The following ESR1 variants were observed in gnomAD, a reference collection of about 807,000 sequenced individuals.
The protein encoded by ESR1 is estrogen receptor.
A neutral mutation model predicts 52.7 loss-of-function variants in ESR1; 12 were observed. The observed-to-expected ratio is 0.23, with a 90% CI of 0.15 to 0.37. The LOEUF (loss-of-function observed/expected upper bound fraction) is 0.37, where lower values mean the gene tolerates loss of function less well. Among genes scored for constraint, ESR1 ranks in the 10% least tolerant of loss-of-function variants. The probability of loss-of-function intolerance (pLI) is 1.00; values close to 1 mark genes in which losing one functional copy is unlikely to be tolerated. For synonymous variants in ESR1, 305 were observed against 316.8 expected (o/e 0.96, Z 0.39); for missense variants, 584 against 779.7 (o/e 0.75, Z 2.99).
chr6:151,845,198 G>C (rs576408038), intron 2 of ESR1, among the ~76,000 whole-genome samples: 1 of 152,310 alleles, frequency 6.6e-6, no homozygotes, highest in South Asian at 2.1e-4. Context: ...AACGAATACA[G>C]TGTGAGATGT....
upstream of ESR1, among the ~76,000 whole-genome samples, chr6:151,688,856 C>A (rs1326814439): frequency 6.6e-6 from 1 of 152,042 alleles, no homozygotes; most frequent in Non-Finnish European, 1.5e-5. Context: ...AACCAATATC[C>A]CAACCCTAAT....
intron 3 of ESR1, among the ~76,000 whole-genome samples, chr6:151,883,692 A>T (rs1224919677): frequency 2.6e-5 from 4 of 152,120 alleles, no homozygotes; most frequent in Admixed American, 2.6e-4. Flanking sequence ...CCAAAATACC[A>T]TAGACTGGGT....
intron 6 of ESR1, among the ~76,000 whole-genome samples, chr6:152,089,819 T>G (rs1164237410): frequency 6.6e-6 from 1 of 152,220 alleles, no homozygotes. Flanking sequence ...TCTCAAGTGT[T>G]CCGCCTGCCT....
intron 3 of ESR1, among the ~76,000 whole-genome samples, chr6:151,912,878 A>G (rs577366798): frequency 2.0e-5 from 3 of 152,084 alleles, no homozygotes; most frequent in East Asian, 3.9e-4. Flanking sequence ...ATGAGAACAC[A>G]TGGACACAGG....
intron 3 of ESR1, among the ~76,000 whole-genome samples, chr6:151,917,981 C>G (rs1305487309): frequency 6.6e-6 from 1 of 152,142 alleles, no homozygotes; most frequent in Admixed American, 6.6e-5. Flanking sequence ...TAAACACATG[C>G]TAATTGCAGA....
chr6:151,810,954 T>A (rs1263531748), intron 1 of ESR1: 2 of 152,222 alleles, frequency 1.3e-5, no homozygotes, highest in Non-Finnish European at 2.9e-5. Context: ...TAGGTTGGTG[T>A]CTTTAGTCAT....
chr6:151,883,695 G>C (rs569386654), intron 3 of ESR1, among the ~76,000 whole-genome samples: 76 of 152,228 alleles, frequency 5.0e-4, no homozygotes, highest in African/African-American at 1.6e-3. Flanking sequence ...AAATACCATA[G>C]ACTGGGTGGC....
At chr6:151,796,023 G>A (rs535701031) in intron 2 of ESR1, among the ~76,000 whole-genome samples, 75 of 151,652 alleles carry the variant, frequency 4.9e-4, no homozygotes, top group Middle Eastern at 3.4e-3. Context: ...ACAATTAGCC[G>A]GGCATGGTGG....
At chr6:151,963,931 T>G (rs2982686) in intron 4 of ESR1, among the ~76,000 whole-genome samples, 110,340 of 152,118 alleles carry the variant, frequency 0.73, 41,388 homozygotes, top group Middle Eastern at 0.88. Flanking sequence ...GAGGCTGTCC[T>G]TTCCCTATTG....
At chr6:151,941,047 G>A (rs559877824) in intron 3 of ESR1, among the ~76,000 whole-genome samples, 2 of 152,240 alleles carry the variant, frequency 1.3e-5, no homozygotes, top group South Asian at 2.1e-4. Context: ...CCTAAGTGCT[G>A]TTCTTTGGAA....
At chr6:152,067,337 C>T (rs566087134) in intron 6 of ESR1, among the ~76,000 whole-genome samples, 24 of 152,214 alleles carry the variant, frequency 1.6e-4, no homozygotes, top group African/African-American at 5.3e-4. Context: ...CAGCAGGTGT[C>T]GAAAGACGGG....
intron 3 of ESR1, among the ~76,000 whole-genome samples, chr6:151,910,362 A>T (rs1390800372): frequency 6.6e-6 from 1 of 152,238 alleles, no homozygotes; most frequent in Non-Finnish European, 1.5e-5. Flanking sequence ...GGAACAATGT[A>T]AATTAACAAT....
chr6:151,835,356 A>G (rs575111007), intron 1 of ESR1, among the ~76,000 whole-genome samples: 154 of 152,278 alleles, frequency 1.0e-3, no homozygotes, highest in Non-Finnish European at 1.4e-3. Context: ...TGTGGCAGAG[A>G]TTCCACAAAG....
chr6:151,902,685 G>A (rs1271857657), intron 3 of ESR1, among the ~76,000 whole-genome samples: 2 of 152,100 alleles, frequency 1.3e-5, no homozygotes, highest in Admixed American at 6.6e-5. Flanking sequence ...GTCAAATAAC[G>A]ACAATAATAA....
chr6:151,776,541 A>T (rs765949891), intron 2 of ESR1, among the ~76,000 whole-genome samples: 1 of 152,182 alleles, frequency 6.6e-6, no homozygotes, highest in African/African-American at 2.4e-5. Context: ...TTGCATTCAG[A>T]AGACTGGCCA....
rs2128527456 is a variant in ESR1, at chr6:151,944,292, A to G, written c.880A>G (p.Ser294Gly). 1 of 1,614,218 alleles carries G rather than the reference A, an allele frequency of 6.2e-7. No homozygotes were observed. Among genetic ancestry groups the G allele is most frequent in the African/African-American group, 1.3e-5 (1 of 75,054 alleles). Reference sequence around the variant, plus strand: ...CATGAGAGCTGCCAACCTTTGGCCAAGCCCGCTCATGATCAAACGCTCTAA... The same window carrying G: ...CATGAGAGCTGCCAACCTTTGGCCAGGCCCGCTCATGATCAAACGCTCTAA... ...GDMRAANLWP[S>G]PLMIKRSKKN... Residue 294 changes from serine to glycine, a missense_variant, in exon 4 of 8, where the codon AGC (serine) becomes GGC (glycine). Physicochemically the swap from Ser to Gly is moderately conservative, Grantham distance 56. Coordinates refer to ENST00000206249, the MANE Select transcript of ESR1 (RefSeq NM_000125.4).
At chr6:151,776,379 G>A (rs1785992533) in intron 2 of ESR1, among the ~76,000 whole-genome samples, 1 of 152,262 alleles carries the variant, frequency 6.6e-6, no homozygotes, top group East Asian at 1.9e-4. Flanking sequence ...AGCAGAGGCT[G>A]TCTGTTCTCT....
intron 3 of ESR1, among the ~76,000 whole-genome samples, chr6:151,885,694 G>C (rs1023176300): frequency 2.0e-5 from 3 of 152,000 alleles, no homozygotes; most frequent in African/African-American, 7.3e-5. Flanking sequence ...GTGAAACCTC[G>C]TCTCTACAAA....
At chr6:152,059,039 G>A (rs538298743) in intron 5 of ESR1, among the ~76,000 whole-genome samples, 2 of 152,174 alleles carry the variant, frequency 1.3e-5, no homozygotes, top group African/African-American at 4.8e-5. Flanking sequence ...AAACTAATGA[G>A]CTAGTTGAAA....
Sources: gnomAD v4.1 joint callset for allele counts (sites outside exome capture counted in the v4.1 genomes callset) on GRCh38, gnomAD v4.1.1 for gene constraint, MANE v1.5 for transcripts, NCBI Gene and HGNC (gene_info 2026-07-23, HGNC 2026-07-21) for gene names.